The following GLDC variants were observed in gnomAD, a reference collection of about 807,000 sequenced individuals.
The protein encoded by GLDC is glycine decarboxylase, also known as glycine dehydrogenase (decarboxylating), mitochondrial.
Under a neutral mutation model 121.3 loss-of-function variants are expected in GLDC, and 104 were observed. The ratio of observed to expected loss-of-function variants is 0.86; its 90% CI spans 0.73 to 1.01. The LOEUF (loss-of-function observed/expected upper bound fraction) is 1.01. GLDC is among the 50% of genes least tolerant of loss of function. The pLI is 0.00. For missense variants in GLDC, 1,429 were observed against 1,306.6 expected, an observed-to-expected ratio of 1.09 and a Z score of -1.44; for synonymous variants, 546 against 480.6, an observed-to-expected ratio of 1.14 and a Z score of -1.78.
At chr9:6,620,665 T>C (rs1385567268) in intron 2 of GLDC, among the ~76,000 whole-genome samples, 2 of 152,228 alleles carry the variant, frequency 1.3e-5, no homozygotes, top group Admixed American at 6.5e-5. Context: ...ATAAAAATTC[T>C]GTCTTACTCC....
intron 3 of GLDC, among the ~76,000 whole-genome samples, chr9:6,613,937 C>A (rs1205404893): frequency 6.6e-6 from 1 of 152,074 alleles, no homozygotes; most frequent in African/African-American, 2.4e-5. Context: ...ACACCACACC[C>A]AGCTAAATTT....
chr9:6,548,164 AGAG>A (rs1275037263), intron 21 of GLDC, among the ~76,000 whole-genome samples: 2 of 152,238 alleles, frequency 1.3e-5, no homozygotes, highest in African/African-American at 4.8e-5. Context: ...GTACAAACAA[AGAG>A]GAGAAGAAAT....
In GLDC at chr9:6,546,211, G is replaced by C. The variant is rs541303040; in HGVS notation, c.2569+4592C>G. On this transcript the variant is annotated intron_variant, in intron 21 of 24. Coordinates refer to ENST00000321612, the MANE Select transcript of GLDC (RefSeq NM_000170.3). The stretch of plus-strand genomic sequence containing the variant: ...TTCCACCTCCTCATCTTTTTTTTTT[G>C]AGACAGTGTCTCACTCTGTCACCCA... Among the ~76,000 whole-genome samples, 11 of 148,180 alleles carry C rather than the reference G, an allele frequency of 7.4e-5. No individual in the cohort carries two copies. In the South Asian group the frequency reaches 2.4e-3, roughly 32 times the overall value.
chr9:6,613,758 A>G (rs992515785), intron 3 of GLDC, among the ~76,000 whole-genome samples: 1 of 152,008 alleles, frequency 6.6e-6, no homozygotes, highest in Non-Finnish European at 1.5e-5. Context: ...TCCAAATTAT[A>G]TATGATAACT....
intron 8 of GLDC, among the ~76,000 whole-genome samples, chr9:6,599,303 C>G (rs115048235): frequency 0.023 from 3,553 of 152,064 alleles, 133 homozygotes; most frequent in African/African-American, 0.081. Flanking sequence ...TATGATCAGA[C>G]GGAAACCTGG....
chr9:6,558,713 A>T (rs1817686130), intron 16 of GLDC, 29 bp from the exon 17 acceptor site: 1 of 1,613,716 alleles, frequency 6.2e-7, no homozygotes. Flanking sequence ...GCAAAGAAAG[A>T]GCAAAATCAT....
intron 2 of GLDC, among the ~76,000 whole-genome samples, chr9:6,627,819 C>T (rs946208322): frequency 1.3e-5 from 2 of 152,160 alleles, no homozygotes; most frequent in African/African-American, 4.8e-5. Flanking sequence ...AAAGAATTCC[C>T]CAAACATACA....
intron 2 of GLDC, among the ~76,000 whole-genome samples, chr9:6,633,339 A>T (rs1422600626): frequency 1.3e-5 from 2 of 152,074 alleles, no homozygotes; most frequent in Non-Finnish European, 2.9e-5. Context: ...TCCCTGGGAA[A>T]TTTCACTAAT....
chr9:6,589,313 T>C lies in GLDC; in HGVS notation c.1483-21A>G, dbSNP rs1359475777. 9 of 1,459,970 alleles carry C rather than the reference T, an allele frequency of 6.2e-6. No homozygotes were observed. In the Admixed American group the frequency reaches 1.3e-4, roughly 22 times the overall value. The allele number at this position is 1,459,970 out of a possible 1,614,324, so 90.4% of individuals were successfully genotyped here. A position where few individuals can be genotyped will look rare whatever the true frequency, so the allele number is the denominator to read the frequency against. On this transcript the variant is annotated intron_variant, in intron 11 of 24. Coordinates refer to ENST00000321612, the MANE Select transcript of GLDC (RefSeq NM_000170.3). Reference sequence around the variant, plus strand: ...AGTTCCTGAAGGAGAAACACAGAGATGATAGGGCCAGAACTGTGCCTGGAG... The same window carrying C: ...AGTTCCTGAAGGAGAAACACAGAGACGATAGGGCCAGAACTGTGCCTGGAG...
Position 6,554,684 on chromosome 9 carries a change from A to G in GLDC, c.2300T>C (p.Met767Thr). 1.2e-6 allele frequency: 2 copies of G among 1,611,358 alleles called. No homozygotes were observed. The highest frequency in any genetic ancestry group is 1.7e-6 in the Non-Finnish European group (2 of 1,179,142). The part of the protein sequence containing the change: ...CIPHGGGGPG[M>T]GPIGVKKHLA... ...CAGAACTTACACTCCGATGGGCCCC[A>G]TGCCAGGACCACCTCCTCCGTGGGG... Residue 767 changes from methionine to threonine, a missense_variant, in exon 19 of 25, where the codon ATG (methionine) becomes ACG (threonine). Coordinates refer to ENST00000321612, the MANE Select transcript of GLDC (RefSeq NM_000170.3).
chr9:6,610,144 G>A, intron 4 of GLDC, 48 bp downstream of exon 4: 3 of 1,423,554 alleles, frequency 2.1e-6, no homozygotes, highest in Non-Finnish European at 2.9e-6. Flanking sequence ...ACAAGGCCAG[G>A]CGAGGTGGCC....
chr9:6,582,116 A>G (rs72695519), intron 15 of GLDC, among the ~76,000 whole-genome samples: 79,613 of 150,026 alleles, frequency 0.53, 21,481 homozygotes, highest in Middle Eastern at 0.58. Flanking sequence ...TTGGGAGGCC[A>G]AGGCAGGATA....
intron 3 of GLDC, among the ~76,000 whole-genome samples, chr9:6,617,945 G>A (rs1818998255): frequency 6.6e-6 from 1 of 152,186 alleles, no homozygotes; most frequent in Non-Finnish European, 1.5e-5. Flanking sequence ...TTTTACATAT[G>A]TTAATCTAAA....
At chr9:6,603,145 T>A (rs1487413397) in intron 7 of GLDC, among the ~76,000 whole-genome samples, 1 of 151,866 alleles carries the variant, frequency 6.6e-6, no homozygotes, top group Non-Finnish European at 1.5e-5. Context: ...CAAGAATCAC[T>A]TGAACCTGGG....
intron 1 of GLDC, chr9:6,644,934 C>T: frequency 1.6e-6 from 1 of 614,022 alleles, no homozygotes; most frequent in Admixed American, 2.9e-5. Flanking sequence ...CCGGTAAGCC[C>T]ACTCTTAATC....
chr9:6,559,336 G>A (rs1330675053), intron 16 of GLDC, among the ~76,000 whole-genome samples: 1 of 151,800 alleles, frequency 6.6e-6, no homozygotes, highest in Non-Finnish European at 1.5e-5. Flanking sequence ...CCAACATGGT[G>A]AAACCCCGTC....
intron 2 of GLDC, among the ~76,000 whole-genome samples, chr9:6,633,201 G>T (rs1402214338): frequency 6.6e-6 from 1 of 152,228 alleles, no homozygotes; most frequent in East Asian, 1.9e-4. Context: ...CGACACAGGG[G>T]TCCGTAACTC....
intron 3 of GLDC, among the ~76,000 whole-genome samples, chr9:6,614,553 CT>C (rs58682628): frequency 0.21 from 29,017 of 139,108 alleles, 2,897 homozygotes; most frequent in East Asian, 0.43. Context: ...GGGTTTCAAT[CT>C]TTTTTTTTTT....
chr9:6,599,133 G>A (rs1000846825), intron 8 of GLDC, among the ~76,000 whole-genome samples: 6 of 150,132 alleles, frequency 4.0e-5, no homozygotes, highest in East Asian at 3.9e-4. Flanking sequence ...GCAGTGAGCC[G>A]ACATCACGCC....
Sources: gnomAD v4.1 joint callset for allele counts (sites outside exome capture counted in the v4.1 genomes callset) on GRCh38, gnomAD v4.1.1 for gene constraint, MANE v1.5 for transcripts, NCBI Gene and HGNC (gene_info 2026-07-23, HGNC 2026-07-21) for gene names.